Variants in LAMA2 observed in about 807,000 individuals in gnomAD.
The protein encoded by LAMA2 is laminin subunit alpha-2.
LAMA2 carries 269 observed loss-of-function variants against 364.8 expected under a neutral mutation model. The ratio of observed to expected loss-of-function variants is 0.74; its 90% confidence interval spans 0.67 to 0.82. LAMA2 has a LOEUF of 0.82. Among genes scored for constraint, LAMA2 ranks in the 40% least tolerant of loss-of-function variants. LAMA2 has a pLI of 0.00. For synonymous variants in LAMA2, 1,379 were observed against 1,370.6 expected (o/e 1.01, Z -0.14); for missense variants, 3,807 against 3,873.2 (o/e 0.98, Z 0.45).
chr6:129,333,664 C>G (rs1775784718), intron 29 of LAMA2, among the ~76,000 whole-genome samples: 1 of 152,098 alleles, frequency 6.6e-6, no homozygotes, highest in Non-Finnish European at 1.5e-5. Context: ...AACTGCTTGC[C>G]TGACAAATTC....
intron 1 of LAMA2, among the ~76,000 whole-genome samples, chr6:129,009,923 G>A (rs1562916015): frequency 6.6e-6 from 1 of 152,218 alleles, no homozygotes; most frequent in Middle Eastern, 3.4e-3. Flanking sequence ...GGATATTAAA[G>A]GTGAGATTAA....
chr6:129,298,724 A>G (rs1296203270), intron 21 of LAMA2, among the ~76,000 whole-genome samples: 1 of 152,214 alleles, frequency 6.6e-6, no homozygotes, highest in Non-Finnish European at 1.5e-5. Context: ...AGTAGGAATA[A>G]TATTTAAAAC....
chr6:129,242,076 A>G (rs1017772849), intron 12 of LAMA2, among the ~76,000 whole-genome samples: 1 of 152,134 alleles, frequency 6.6e-6, no homozygotes, highest in African/African-American at 2.4e-5. Context: ...CATATTTAGC[A>G]CTTTAGGCCA....
At chr6:129,501,363 T>C (rs531479410) in intron 58 of LAMA2, among the ~76,000 whole-genome samples, 2 of 152,244 alleles carry the variant, frequency 1.3e-5, no homozygotes, top group Non-Finnish European at 2.9e-5. Flanking sequence ...GGCCACAGTC[T>C]GCTCTTTATA....
rs552274506 is a variant in LAMA2, at chr6:129,297,577, A to G, written c.2857-108A>G. The G allele has an allele frequency of 1.7e-5, 17 of 1,006,254 alleles. No homozygotes were observed. The African/African-American group carries it at 2.4e-4, about 14-fold the overall frequency. The allele number at this position is 1,006,254 out of a possible 1,614,324, so 62.3% of individuals were successfully genotyped here. A position where few individuals can be genotyped will look rare whatever the true frequency, so the allele number is the denominator to read the frequency against. ...GTCATAACATCAGTGAGGAATCCTG[A>G]TAACTCCTAAGTTCCTCTGTTCCCA... On this transcript the variant is annotated intron_variant, in intron 20 of 64. Transcript: ENST00000421865.
intron 16 of LAMA2, among the ~76,000 whole-genome samples, chr6:129,267,624 T>C (rs1787609289): frequency 6.6e-6 from 1 of 152,038 alleles, no homozygotes; most frequent in Non-Finnish European, 1.5e-5. Context: ...TAAACATAAT[T>C]AAGTTTTCTT....
At chr6:129,237,065 C>T (rs1785044177) in intron 12 of LAMA2, among the ~76,000 whole-genome samples, 1 of 152,120 alleles carries the variant, frequency 6.6e-6, no homozygotes, top group African/African-American at 2.4e-5. Flanking sequence ...TATGTAAGTA[C>T]TCAATGCTTC....
At chr6:129,436,895 A>G (rs1781860727) in intron 41 of LAMA2, 1 of 152,096 alleles carries the variant, frequency 6.6e-6, no homozygotes, top group Non-Finnish European at 1.5e-5. Context: ...AACACTTTGC[A>G]TATTTGCCTG....
At chr6:129,034,290 C>T (rs924568532) in intron 1 of LAMA2, among the ~76,000 whole-genome samples, 1 of 152,000 alleles carries the variant, frequency 6.6e-6, no homozygotes, top group African/African-American at 2.4e-5. Flanking sequence ...ATTTATTAAG[C>T]ATGAAGTGAT....
intron 1 of LAMA2, among the ~76,000 whole-genome samples, chr6:129,036,182 A>G (rs1219868575): frequency 1.3e-5 from 2 of 152,134 alleles, no homozygotes; most frequent in Non-Finnish European, 2.9e-5. Flanking sequence ...TGAAGAAATC[A>G]TAATCAATTC....
At chr6:128,933,543 T>C (rs981931973) in intron 1 of LAMA2, among the ~76,000 whole-genome samples, 3 of 152,172 alleles carry the variant, frequency 2.0e-5, no homozygotes, top group African/African-American at 7.2e-5. Context: ...CCACCAAAAG[T>C]GTAGAAGGGT....
intron 17 of LAMA2, among the ~76,000 whole-genome samples, chr6:129,271,893 A>G (rs1787966837): frequency 6.6e-6 from 1 of 152,170 alleles, no homozygotes; most frequent in Admixed American, 6.5e-5. Context: ...CCTAATTAAA[A>G]TGGTCTTTTG....
At chr6:129,220,583 T>G (rs968654465) in intron 12 of LAMA2, among the ~76,000 whole-genome samples, 11 of 152,250 alleles carry the variant, frequency 7.2e-5, no homozygotes, top group African/African-American at 2.7e-4. Flanking sequence ...ATTATCTAAC[T>G]TATTTTTAAA....
At chr6:129,403,733 T>G (rs1349238408) in intron 39 of LAMA2, 88 bp from the exon 40 acceptor site, 1 of 1,252,652 alleles carries the variant, frequency 8.0e-7, no homozygotes, top group Non-Finnish European at 1.2e-6. Flanking sequence ...CCATGATCAT[T>G]TGGAAGCCAG....
At chr6:128,995,408 A>G (rs903821990) in intron 1 of LAMA2, among the ~76,000 whole-genome samples, 1 of 152,066 alleles carries the variant, frequency 6.6e-6, no homozygotes, top group Non-Finnish European at 1.5e-5. Context: ...TGCAACCTCC[A>G]CCTCCTGGGT....
At chr6:129,101,755 A>G (rs1482395478) in intron 4 of LAMA2, among the ~76,000 whole-genome samples, 1 of 152,226 alleles carries the variant, frequency 6.6e-6, no homozygotes, top group Non-Finnish European at 1.5e-5. Context: ...CTGTTGGGCA[A>G]TGCTACTTTA....
chr6:129,093,287 C>T (rs1376750010), intron 3 of LAMA2, among the ~76,000 whole-genome samples: 1 of 53,186 alleles, frequency 1.9e-5, no homozygotes, highest in African/African-American at 7.9e-5. Context: ...CCGTGCCCGG[C>T]CGAGGATTTT....
At chr6:129,061,774 C>T (rs1000145311) in intron 3 of LAMA2, among the ~76,000 whole-genome samples, 2 of 152,120 alleles carry the variant, frequency 1.3e-5, no homozygotes, top group Non-Finnish European at 2.9e-5. Flanking sequence ...CTGTATATAA[C>T]CCAGGTCTAC....
intron 40 of LAMA2, among the ~76,000 whole-genome samples, chr6:129,418,180 TG>T (rs1780897030): frequency 6.6e-6 from 1 of 152,168 alleles, no homozygotes; most frequent in South Asian, 2.1e-4. Context: ...TGTGGTGTTT[TG>T]TTTTGTTCCT....
Sources: allele counts gnomAD v4.1 joint callset (sites outside exome capture counted in the v4.1 genomes callset), GRCh38; gene constraint gnomAD v4.1.1; transcripts MANE v1.5; gene names NCBI Gene and HGNC (gene_info 2026-07-23, HGNC 2026-07-21).